The following PPARD variants were observed in gnomAD, a reference collection of about 807,000 sequenced individuals.
PPARD encodes the protein peroxisome proliferator-activated receptor delta.
A neutral mutation model predicts 39.5 loss-of-function variants in PPARD; 6 were observed. That is an observed-to-expected ratio of 0.15 (90% CI 0.08 to 0.30). The LOEUF is 0.30. PPARD is among the 10% of genes least tolerant of loss of function. The pLI, the probability that PPARD is intolerant of heterozygous loss-of-function variation, is 1.00. For missense variants in PPARD, 397 were observed against 596.8 expected (o/e 0.67, Z 3.49); for synonymous variants, 210 against 231.3 (o/e 0.91, Z 0.83).
chr6:35,388,280 G>T (rs1341344849), intron 2 of PPARD, among the ~76,000 whole-genome samples: 1 of 152,156 alleles, frequency 6.6e-6, no homozygotes, highest in Admixed American at 6.5e-5. Flanking sequence ...GGAGCAGGCT[G>T]TAGATGTGCA....
intron 2 of PPARD, among the ~76,000 whole-genome samples, chr6:35,369,737 C>T (rs1463571918): frequency 6.6e-6 from 1 of 152,184 alleles, no homozygotes; most frequent in Non-Finnish European, 1.5e-5. Flanking sequence ...TCAGTCCTGC[C>T]AACAGACGTT....
At chr6:35,349,353 T>A (rs1039234293) in intron 2 of PPARD, among the ~76,000 whole-genome samples, 9 of 152,270 alleles carry the variant, frequency 5.9e-5, no homozygotes, top group Non-Finnish European at 1.2e-4. Flanking sequence ...TGGGTACTGC[T>A]ATATCACCTA....
chr6:35,414,805 C>T (rs1345109443), intron 3 of PPARD, among the ~76,000 whole-genome samples: 1 of 152,118 alleles, frequency 6.6e-6, no homozygotes, highest in Non-Finnish European at 1.5e-5. Flanking sequence ...CCTGAAACAG[C>T]AGGAAGGCTC....
chr6:35,396,477 T>C (rs1031288651), intron 2 of PPARD, among the ~76,000 whole-genome samples: 3 of 148,522 alleles, frequency 2.0e-5, no homozygotes, highest in African/African-American at 7.5e-5. Context: ...GTGCTGGGAT[T>C]ACAGGCGTGA....
chr6:35,406,453 G>A (rs1221327874), intron 2 of PPARD, among the ~76,000 whole-genome samples: 1 of 152,174 alleles, frequency 6.6e-6, no homozygotes, highest in Non-Finnish European at 1.5e-5. Context: ...GCTGTAGATG[G>A]AGCAAGGAGG....
At position 35,363,932 on chromosome 6, in the gene PPARD, ATATATT is replaced by A. The variant is rs1278593860; in HGVS notation, c.-102+16788_-102+16793del. On this transcript the variant is annotated intron_variant, in intron 2 of 7. Coordinates refer to ENST00000360694, the MANE Select transcript of PPARD (RefSeq NM_006238.5). This position sits in a 1 kb window ranked among gnomAD's most constrained non-coding sequence, Gnocchi z 4.5. ...GTGTTTTATATATTATATTAAATTA[ATATATT>A]TATATATTATATTAACGGTTTTATA... Among the ~76,000 whole-genome samples, 8 of 149,472 alleles carry A rather than the reference ATATATT, an allele frequency of 5.4e-5. No homozygotes were observed. Among genetic ancestry groups the A allele is most frequent in the South Asian group, 2.1e-4 (1 of 4,794 alleles).
chr6:35,421,364 T>C (rs1043061133), intron 4 of PPARD, among the ~76,000 whole-genome samples: 9 of 151,298 alleles, frequency 5.9e-5, no homozygotes, highest in African/African-American at 2.2e-4. Context: ...TGAGATGGAG[T>C]TTCACTCTTG....
chr6:35,423,233 CAAAAAA>C (rs1766312876), intron 5 of PPARD, among the ~76,000 whole-genome samples: 1 of 148,926 alleles, frequency 6.7e-6, no homozygotes, highest in Admixed American at 6.7e-5. Context: ...TGTCTCAAAA[CAAAAAA>C]AGAAAAAGGC....
intron 2 of PPARD, among the ~76,000 whole-genome samples, chr6:35,354,079 A>G (rs1761416439): frequency 1.3e-5 from 2 of 151,778 alleles, no homozygotes; most frequent in South Asian, 4.2e-4. Flanking sequence ...AAAAATACAA[A>G]AAATTAGCTG....
intron 2 of PPARD, among the ~76,000 whole-genome samples, chr6:35,404,789 T>A (rs921105756): frequency 1.3e-5 from 2 of 152,194 alleles, no homozygotes; most frequent in African/African-American, 4.8e-5. Context: ...CCATTTGGGT[T>A]AAGCTTCTAA....
At chr6:35,398,024 G>A (rs185300135) in intron 2 of PPARD, among the ~76,000 whole-genome samples, 6 of 152,294 alleles carry the variant, frequency 3.9e-5, no homozygotes, top group Non-Finnish European at 5.9e-5. Context: ...GCAGGAGGCC[G>A]TGTGCCTGGT....
At position 35,425,899 on chromosome 6, in the gene PPARD, A is replaced by G. The variant is rs751321941; in HGVS notation, c.1146A>G (p.Glu382=). 3.7e-6 allele frequency: 6 copies of G among 1,613,992 alleles called. No individual in the cohort carries two copies. The highest frequency in any genetic ancestry group is 5.1e-6 in the Non-Finnish European group (6 of 1,180,036). ...AIQDTILRAL[E]FHLQANHPDA... ...AGGACACCATCCTGCGTGCCCTCGA[A>G]TTCCACCTGCAGGCCAACCACCCTG... Residue 382 remains glutamate, a synonymous_variant, in exon 8 of 8, where the codon GAA becomes GAG. Transcript: ENST00000360694. The surrounding 1 kb of genome is among the most constrained non-coding windows in gnomAD (Gnocchi z 4.5).
chr6:35,407,982 G>T (rs998716927), intron 2 of PPARD, among the ~76,000 whole-genome samples: 5 of 152,088 alleles, frequency 3.3e-5, no homozygotes, highest in African/African-American at 1.2e-4. Context: ...ACAGAAATCC[G>T]GCAATCAGTG....
intron 2 of PPARD, chr6:35,348,531 G>A (rs1761025124): frequency 2.0e-6 from 2 of 985,282 alleles, no homozygotes; most frequent in Non-Finnish European, 2.4e-6. Flanking sequence ...TCCCTGCTGG[G>A]GGCCGGGGAA....
chr6:35,426,072 T>A lies in PPARD; in HGVS notation c.1319T>A (p.Met440Lys). Reference sequence around the variant, plus strand: ...CTGCTCCAGGAGATCTACAAGGACATGTACTAACGGCGGCACCCAGGCCTC... The same window carrying A: ...CTGCTCCAGGAGATCTACAAGGACAAGTACTAACGGCGGCACCCAGGCCTC... Reference protein sequence around the residue: ...HPLLQEIYKDMY With the variant: ...HPLLQEIYKDKY The change falls in exon 8 of 8, where the codon ATG becomes AAG. Residue 440 changes from methionine to lysine, a missense_variant. Transcript: ENST00000360694. The A allele has an allele frequency of 6.2e-7, 1 of 1,611,808 alleles. No individual in the cohort carries two copies. The highest frequency in any genetic ancestry group is 8.5e-7 in the Non-Finnish European group (1 of 1,179,894).
At chr6:35,381,414 C>T (rs1456851102) in intron 2 of PPARD, among the ~76,000 whole-genome samples, 2 of 152,126 alleles carry the variant, frequency 1.3e-5, no homozygotes, top group Non-Finnish European at 2.9e-5. Flanking sequence ...ACAGAAATAG[C>T]AGTGGCTTAA....
chr6:35,405,231 G>A (rs966617631), intron 2 of PPARD, among the ~76,000 whole-genome samples: 1 of 151,622 alleles, frequency 6.6e-6, no homozygotes, highest in African/African-American at 2.4e-5. Flanking sequence ...ATAACCAGGG[G>A]TTTTGCCATG....
chr6:35,349,778 G>T (rs1368326834), intron 2 of PPARD, among the ~76,000 whole-genome samples: 3 of 150,866 alleles, frequency 2.0e-5, no homozygotes, highest in African/African-American at 7.3e-5. Flanking sequence ...TCTTGCTCTT[G>T]TCACCCAGGC....
At chr6:35,346,927 G>A in intron 1 of PPARD, 140 bp from the exon 2 acceptor site, 1 of 557,334 alleles carries the variant, frequency 1.8e-6, no homozygotes, top group Non-Finnish European at 3.1e-6. Flanking sequence ...ACATCTCAGG[G>A]TGGTGTGTAA....
Sources: allele counts gnomAD v4.1 joint callset (sites outside exome capture counted in the v4.1 genomes callset), GRCh38; gene constraint gnomAD v4.1.1; non-coding constraint Gnocchi (gnomAD v3.1); transcripts MANE v1.5; gene names NCBI Gene and HGNC (gene_info 2026-07-23, HGNC 2026-07-21).